Variants in LINGO2 observed in about 807,000 individuals in gnomAD.
LINGO2 encodes the protein leucine-rich repeat and immunoglobulin-like domain-containing nogo receptor-interacting protein 2.
LINGO2 carries 14 observed loss-of-function variants against 30.6 expected under a neutral mutation model. The observed-to-expected ratio is 0.46, with a 90% CI of 0.30 to 0.72. The LOEUF (loss-of-function observed/expected upper bound fraction) is 0.72, where lower values mean the gene tolerates loss of function less well. Ranked by LOEUF, LINGO2 falls within the 30% of genes least tolerant of loss-of-function variation. The pLI, the probability that LINGO2 is intolerant of heterozygous loss-of-function variation, is 0.07. For synonymous variants in LINGO2, 317 were observed against 288.5 expected (o/e 1.10, Z -1.00); for missense variants, 729 against 751.7 (o/e 0.97, Z 0.35).
At chr9:28,931,275 C>T in the LINGO2 span, among the ~76,000 whole-genome samples, 6 of 152,286 alleles carry the variant, frequency 3.9e-5, no homozygotes, top group East Asian at 1.2e-3. Context: ...GAGTTGGAGA[C>T]ACTAATATAA....
At chr9:28,035,284 A>G (rs1434019081) in intron 4 of LINGO2, among the ~76,000 whole-genome samples, 1 of 152,262 alleles carries the variant, frequency 6.6e-6, no homozygotes, top group Admixed American at 6.5e-5. Flanking sequence ...AGATAAAGCC[A>G]TATATTTCCT....
At chr9:28,175,482 G>T (rs553005830) in intron 4 of LINGO2, among the ~76,000 whole-genome samples, 2 of 152,036 alleles carry the variant, frequency 1.3e-5, no homozygotes, top group Non-Finnish European at 2.9e-5. Context: ...TTACCTCTTC[G>T]TGATTCAGAC....
the LINGO2 span, among the ~76,000 whole-genome samples, chr9:28,782,900 C>T: frequency 0.058 from 8,872 of 152,250 alleles, 857 homozygotes; most frequent in African/African-American, 0.2. Flanking sequence ...CCCCACTATA[C>T]ACCTAGGCTA....
At chr9:29,025,448 C>T in the LINGO2 span, among the ~76,000 whole-genome samples, 1 of 151,988 alleles carries the variant, frequency 6.6e-6, no homozygotes, top group African/African-American at 2.4e-5. Context: ...CAAGTTACAT[C>T]TATTGTTTAA....
the LINGO2 span, among the ~76,000 whole-genome samples, chr9:29,124,654 G>T: frequency 6.6e-6 from 1 of 151,872 alleles, no homozygotes; most frequent in African/African-American, 2.4e-5. Context: ...CATCAAACAT[G>T]AAAAAAAGTT....
intron 1 of LINGO2, among the ~76,000 whole-genome samples, chr9:28,663,869 G>A (rs1432997891): frequency 2.0e-5 from 3 of 151,864 alleles, no homozygotes; most frequent in Non-Finnish European, 4.4e-5. Context: ...AGATAAACAC[G>A]AAAAGTGGAC....
At chr9:27,974,160 T>C (rs916612430) in intron 5 of LINGO2, among the ~76,000 whole-genome samples, 3 of 152,156 alleles carry the variant, frequency 2.0e-5, no homozygotes, top group Non-Finnish European at 4.4e-5. Context: ...AGTTGGGAAC[T>C]GTGACAAGAG....
chr9:28,254,204 G>C (rs1054025926), intron 4 of LINGO2, among the ~76,000 whole-genome samples: 1 of 151,886 alleles, frequency 6.6e-6, no homozygotes, highest in Non-Finnish European at 1.5e-5. Flanking sequence ...TAGTTGCTAG[G>C]TAAAATTTTA....
At chr9:29,082,912 T>A in the LINGO2 span, among the ~76,000 whole-genome samples, 1 of 152,054 alleles carries the variant, frequency 6.6e-6, no homozygotes, top group Admixed American at 6.6e-5. Context: ...AGAATGGCGA[T>A]CATTAAAAAG....
At chr9:28,014,278 T>C (rs1182735016) in intron 4 of LINGO2, among the ~76,000 whole-genome samples, 5 of 152,132 alleles carry the variant, frequency 3.3e-5, no homozygotes, top group Non-Finnish European at 5.9e-5. Context: ...TGACAAAAAA[T>C]TCTAATGACT....
the LINGO2 span, among the ~76,000 whole-genome samples, chr9:28,799,524 A>C: frequency 6.6e-6 from 1 of 152,278 alleles, no homozygotes; most frequent in Non-Finnish European, 1.5e-5. Context: ...TTTGGTGATG[A>C]GTGAAGGAAA....
chr9:28,361,973 G>A (rs3916198), intron 3 of LINGO2, among the ~76,000 whole-genome samples: 12 of 152,224 alleles, frequency 7.9e-5, no homozygotes, highest in African/African-American at 1.9e-4. Context: ...ATCTATGCCC[G>A]CTGCACCACA....
At chr9:28,571,734 T>C (rs1823705030) in intron 1 of LINGO2, among the ~76,000 whole-genome samples, 1 of 151,598 alleles carries the variant, frequency 6.6e-6, no homozygotes, top group Non-Finnish European at 1.5e-5. Flanking sequence ...GCTTACCTCA[T>C]CATCATTCAT....
intron 4 of LINGO2, among the ~76,000 whole-genome samples, chr9:28,166,367 G>C (rs748694961): frequency 3.3e-5 from 5 of 152,178 alleles, no homozygotes; most frequent in African/African-American, 1.2e-4. Flanking sequence ...CTAAGCCTCA[G>C]ATTCCTCAGT....
At chr9:28,192,927 A>G (rs897579590) in intron 4 of LINGO2, among the ~76,000 whole-genome samples, 4 of 152,192 alleles carry the variant, frequency 2.6e-5, no homozygotes, top group Admixed American at 6.5e-5. Flanking sequence ...AATTTCAACA[A>G]TACCCACTGA....
upstream of LINGO2, among the ~76,000 whole-genome samples, chr9:28,674,547 C>A (rs1325553998): frequency 1.3e-5 from 2 of 152,050 alleles, no homozygotes; most frequent in African/African-American, 4.8e-5. Flanking sequence ...CATTTTTTAC[C>A]ATTTTCTCTT....
intron 2 of LINGO2, among the ~76,000 whole-genome samples, chr9:28,375,120 ACACACACACACACATACAC>A (rs1821073413): frequency 7.0e-6 from 1 of 141,946 alleles, no homozygotes; most frequent in Non-Finnish European, 1.5e-5. Flanking sequence ...ACACACACAC[ACACACACACACACATACAC>A]CCCACACTAA....
chr9:28,705,373 C>T, the LINGO2 span, among the ~76,000 whole-genome samples: 1 of 151,988 alleles, frequency 6.6e-6, no homozygotes, highest in African/African-American at 2.4e-5. Flanking sequence ...TGAGTTTGTG[C>T]CCCTGGACTG....
At chr9:28,629,045 T>G (rs1216406581) in intron 1 of LINGO2, among the ~76,000 whole-genome samples, 1 of 152,128 alleles carries the variant, frequency 6.6e-6, no homozygotes, top group Non-Finnish European at 1.5e-5. Context: ...GGGCATTACA[T>G]TAATGTTTTA....
Sources: gnomAD v4.1 joint callset for allele counts (sites outside exome capture counted in the v4.1 genomes callset) on GRCh38, gnomAD v4.1.1 for gene constraint, MANE v1.5 for transcripts, NCBI Gene and HGNC (gene_info 2026-07-23, HGNC 2026-07-21) for gene names.